FYN: variants seen among roughly 807,000 people sequenced by gnomAD.
The protein encoded by FYN is tyrosine-protein kinase Fyn.
In FYN, 10 loss-of-function variants were observed where a neutral mutation model predicts 70.2. The observed-to-expected ratio is 0.14, with a 90% CI of 0.09 to 0.24. FYN has a LOEUF of 0.24. Ranked by LOEUF, FYN falls within the 10% of genes least tolerant of loss-of-function variation. FYN has a pLI of 1.00. For synonymous variants in FYN, 236 were observed against 248.6 expected, an observed-to-expected ratio of 0.95 and a Z score of 0.48; for missense variants, 319 against 673.1, an observed-to-expected ratio of 0.47 and a Z score of 5.82.
intron 2 of FYN, among the ~76,000 whole-genome samples, chr6:111,789,643 C>T (rs1300964017): frequency 6.6e-6 from 1 of 152,100 alleles, no homozygotes; most frequent in African/African-American, 2.4e-5. Context: ...TCTTTCTTTT[C>T]TTACTGGTAA....
intron 12 of FYN, among the ~76,000 whole-genome samples, chr6:111,692,910 T>C (rs575597274): frequency 1.3e-5 from 2 of 152,272 alleles, no homozygotes; most frequent in South Asian, 2.1e-4. Context: ...AAAGCTGCAG[T>C]GCGCCTTTGA....
At chr6:111,699,468 A>C (rs758595079) in intron 9 of FYN, 19 of 1,581,014 alleles carry the variant, frequency 1.2e-5, no homozygotes, top group Non-Finnish European at 1.6e-5. Context: ...CCATCCTTTT[A>C]ATCGGCTTTG....
intron 1 of FYN, among the ~76,000 whole-genome samples, chr6:111,853,346 C>T (rs1184164413): frequency 6.9e-6 from 1 of 145,290 alleles, no homozygotes; most frequent in Non-Finnish European, 1.5e-5. Context: ...GCATGGATTA[C>T]CAAGACACTC....
intron 2 of FYN, among the ~76,000 whole-genome samples, chr6:111,815,085 G>A (rs1026671976): frequency 6.6e-6 from 1 of 152,164 alleles, no homozygotes; most frequent in African/African-American, 2.4e-5. Context: ...AATTTTGACA[G>A]TATTCAATAA....
At chr6:111,806,152 C>T (rs1772140536) in intron 2 of FYN, among the ~76,000 whole-genome samples, 1 of 152,186 alleles carries the variant, frequency 6.6e-6, no homozygotes, top group Non-Finnish European at 1.5e-5. Flanking sequence ...AAACACAAAG[C>T]CTGACTGAAC....
rs1017722699 is a variant in FYN at position 111,868,264 on chromosome 6, G to A, written c.-123+4704C>T. ...CTAGCAAGTAAGTTCCTTCGGGACAGGATCACATCTCTTTTGCCTTGAACC... is the reference window on the plus strand; with the variant it reads ...CTAGCAAGTAAGTTCCTTCGGGACAAGATCACATCTCTTTTGCCTTGAACC... On this transcript the variant is annotated intron_variant, in intron 1 of 13. Coordinates refer to ENST00000354650, the MANE Select transcript of FYN (RefSeq NM_002037.5). Among the ~76,000 whole-genome samples the A allele has an allele frequency of 2.4e-4, 36 of 152,154 alleles. 1 individual carries two copies. The highest frequency in any genetic ancestry group is 8.2e-4 in the African/African-American group (34 of 41,438).
At chr6:111,835,342 C>T (rs1050733064) in intron 2 of FYN, among the ~76,000 whole-genome samples, 2 of 152,172 alleles carry the variant, frequency 1.3e-5, no homozygotes, top group Non-Finnish European at 2.9e-5. Context: ...TTTAATGACC[C>T]TATTTTCATT....
At position 111,683,827 on chromosome 6, in the gene FYN, C is replaced by T. The variant is rs907384257; in HGVS notation, c.1274-9197G>A. ...AGGACAGGATATCCTGTGAAAGAAG[C>T]AAAATCAAAGCTGACCTGACCTGGA... On this transcript the variant is annotated intron_variant, in intron 12 of 13. Coordinates refer to ENST00000354650, the MANE Select transcript of FYN (RefSeq NM_002037.5). 1.3e-4 allele frequency among the ~76,000 whole-genome samples: 19 copies of T among 151,932 alleles called. 1 individual carries two copies. The South Asian group carries it at 2.3e-3, about 18-fold the overall frequency.
intron 3 of FYN, among the ~76,000 whole-genome samples, chr6:111,768,510 T>C (rs1186133540): frequency 6.6e-6 from 1 of 152,228 alleles, no homozygotes; most frequent in African/African-American, 2.4e-5. Context: ...GATAAGTGGA[T>C]ACAATTGAGT....
At chr6:111,849,381 C>T (rs1266544039) in intron 1 of FYN, among the ~76,000 whole-genome samples, 1 of 152,242 alleles carries the variant, frequency 6.6e-6, no homozygotes, top group African/African-American at 2.4e-5. Context: ...TCTCTTGATA[C>T]AGCCATCCCT....
chr6:111,806,113 C>A (rs1255410600), intron 2 of FYN, among the ~76,000 whole-genome samples: 1 of 152,196 alleles, frequency 6.6e-6, no homozygotes, highest in African/African-American at 2.4e-5. Flanking sequence ...TAGGGTGCCC[C>A]AGCACTAGCA....
At chr6:111,851,628 C>A (rs1224187539) in intron 1 of FYN, among the ~76,000 whole-genome samples, 1 of 152,216 alleles carries the variant, frequency 6.6e-6, no homozygotes, top group Admixed American at 6.5e-5. Flanking sequence ...GGTCCACAGG[C>A]AGGGAGGAAG....
chr6:111,695,684 G>A (rs1799542771), intron 10 of FYN, among the ~76,000 whole-genome samples: 2 of 152,128 alleles, frequency 1.3e-5, no homozygotes, highest in South Asian at 2.1e-4. Flanking sequence ...TTCTTGTTTG[G>A]TTCATCTATT....
intron 10 of FYN, among the ~76,000 whole-genome samples, 186 bp downstream of exon 10, chr6:111,696,091 G>A (rs1042584916): frequency 6.6e-6 from 1 of 152,116 alleles, no homozygotes; most frequent in Admixed American, 6.5e-5. Flanking sequence ...TTTGGGGTGG[G>A]GTAAACGCAA....
At chr6:111,850,455 G>C (rs1773654033) in intron 1 of FYN, among the ~76,000 whole-genome samples, 1 of 152,194 alleles carries the variant, frequency 6.6e-6, no homozygotes, top group South Asian at 2.1e-4. Flanking sequence ...CACAACTAAA[G>C]TGAGAACCTC....
intron 2 of FYN, among the ~76,000 whole-genome samples, chr6:111,796,967 A>G (rs1052486947): frequency 2.0e-5 from 3 of 152,248 alleles, no homozygotes; most frequent in Non-Finnish European, 4.4e-5. Flanking sequence ...GGCAGGGGCT[A>G]TATCATACTT....
chr6:111,850,006 G>A (rs1479440473), intron 1 of FYN, among the ~76,000 whole-genome samples: 1 of 152,164 alleles, frequency 6.6e-6, no homozygotes. Flanking sequence ...TGCCATCTCT[G>A]GTGATGGCTG....
At chr6:111,824,484 A>G (rs1772771319) in intron 2 of FYN, among the ~76,000 whole-genome samples, 1 of 152,182 alleles carries the variant, frequency 6.6e-6, no homozygotes, top group Admixed American at 6.5e-5. Flanking sequence ...AGAAATCTAC[A>G]CTGCATCTTG....
At position 111,830,158 on chromosome 6, in the gene FYN, C is replaced by A. The variant is rs115920006; in HGVS notation, c.-82+16431G>T. On this transcript the variant is annotated intron_variant, in intron 2 of 13. Transcript: ENST00000354650. ...ATAAGGCTGCCAAGTCGTGGGGACC[C>A]ATCTTCCTGCAGAGCCCAGTGACTT... 9.5e-3 allele frequency among the ~76,000 whole-genome samples: 1,442 copies of A among 152,266 alleles called. 25 individuals are homozygous for A. Among genetic ancestry groups the A allele is most frequent in the African/African-American group, 0.033 (1,355 of 41,550 alleles).
Sources: allele counts gnomAD v4.1 joint callset (sites outside exome capture counted in the v4.1 genomes callset), GRCh38; gene constraint gnomAD v4.1.1; transcripts MANE v1.5; gene names NCBI Gene and HGNC (gene_info 2026-07-23, HGNC 2026-07-21).